The following SCAPER variants were observed in gnomAD, a reference collection of about 807,000 sequenced individuals.
SCAPER encodes S phase cyclin A-associated protein in the endoplasmic reticulum.
A neutral mutation model predicts 182.2 loss-of-function variants in SCAPER; 98 were observed. The observed-to-expected ratio is 0.54, with a 90% CI of 0.46 to 0.64. The LOEUF (loss-of-function observed/expected upper bound fraction) is 0.64, where lower values mean the gene tolerates loss of function less well. SCAPER is among the 30% of genes least tolerant of loss of function. The pLI is 0.00. For synonymous variants in SCAPER, 605 were observed against 564.6 expected, an observed-to-expected ratio of 1.07 and a Z score of -1.01; for missense variants, 1,432 against 1,690.0, an observed-to-expected ratio of 0.85 and a Z score of 2.68.
At chr15:76,503,597 T>C (rs1156463321) in intron 24 of SCAPER, among the ~76,000 whole-genome samples, 1 of 152,162 alleles carries the variant, frequency 6.6e-6, no homozygotes, top group Non-Finnish European at 1.5e-5. Flanking sequence ...ACTTAACAGT[T>C]TACAAAGAGG....
chr15:76,754,269 G>C lies in SCAPER; in HGVS notation c.1726-321C>G, dbSNP rs567586525. 3.9e-5 allele frequency among the ~76,000 whole-genome samples: 6 copies of C among 152,136 alleles called. 1 individual carries two copies. Among genetic ancestry groups the C allele is most frequent in the African/African-American group, 1.4e-4 (6 of 41,538 alleles). ...ATAAAACTCTCAGAACAGTGGCTTA[G>C]ACATGCCTCTACAGAAATATTTGCT... is the stretch of plus-strand genomic sequence containing the variant. On this transcript the variant is annotated intron_variant, in intron 14 of 31. Coordinates refer to ENST00000563290, the MANE Select transcript of SCAPER (RefSeq NM_020843.4).
At chr15:76,406,792 G>A (rs2044874760) in intron 26 of SCAPER, among the ~76,000 whole-genome samples, 1 of 152,144 alleles carries the variant, frequency 6.6e-6, no homozygotes, top group Non-Finnish European at 1.5e-5. Flanking sequence ...GGTCCTGGGG[G>A]CATTGTTAAA....
intron 5 of SCAPER, among the ~76,000 whole-genome samples, chr15:76,820,470 T>C (rs899045789): frequency 4.6e-5 from 7 of 152,040 alleles, no homozygotes; most frequent in African/African-American, 1.7e-4. Context: ...ACCATCATTC[T>C]CAGCAAACTA....
chr15:76,757,138 C>T (rs1403561311), intron 14 of SCAPER, among the ~76,000 whole-genome samples: 1 of 152,124 alleles, frequency 6.6e-6, no homozygotes, highest in Non-Finnish European at 1.5e-5. Context: ...CTTTGAATTC[C>T]AGGAATAAAC....
intron 1 of SCAPER, among the ~76,000 whole-genome samples, chr15:76,891,564 T>A (rs916080491): frequency 6.6e-6 from 1 of 152,122 alleles, no homozygotes; most frequent in Non-Finnish European, 1.5e-5. Flanking sequence ...CCATTAACAA[T>A]TGCTACAAAC....
intron 20 of SCAPER, among the ~76,000 whole-genome samples, chr15:76,693,556 G>A (rs746762570): frequency 3.3e-5 from 5 of 152,062 alleles, no homozygotes; most frequent in Non-Finnish European, 4.4e-5. Context: ...ATCATTATCT[G>A]CAATAACCAA....
chr15:76,477,038 G>T (rs994554685), intron 24 of SCAPER, among the ~76,000 whole-genome samples: 4 of 151,790 alleles, frequency 2.6e-5, no homozygotes, highest in African/African-American at 9.7e-5. Context: ...GTATATAATA[G>T]AATTTGGAAA....
intron 23 of SCAPER, among the ~76,000 whole-genome samples, chr15:76,542,157 C>T (rs1160621287): frequency 6.6e-6 from 1 of 152,154 alleles, no homozygotes; most frequent in Non-Finnish European, 1.5e-5. Context: ...CAATCTACTT[C>T]TCATATTATA....
chr15:76,640,368 G>C (rs1270164006), intron 21 of SCAPER, among the ~76,000 whole-genome samples: 2 of 152,190 alleles, frequency 1.3e-5, no homozygotes, highest in African/African-American at 2.4e-5. Context: ...TAATGAGTCT[G>C]TTCACAATTG....
intron 5 of SCAPER, among the ~76,000 whole-genome samples, chr15:76,833,775 T>A (rs2068708485): frequency 6.6e-6 from 1 of 152,226 alleles, no homozygotes; most frequent in Non-Finnish European, 1.5e-5. Context: ...GAGTATTACA[T>A]ATTGATAAAG....
chr15:76,739,806 G>C (rs2061453446), intron 15 of SCAPER, among the ~76,000 whole-genome samples: 2 of 152,266 alleles, frequency 1.3e-5, no homozygotes, highest in East Asian at 3.9e-4. Context: ...GAGTACAAAA[G>C]TAACACTATC....
Position 76,765,591 on chromosome 15 carries a change from G to T in SCAPER, c.1467C>A (p.Asp489Glu). The stretch of plus-strand genomic sequence containing the variant: ...CATAATCTGCAAGGACATCGTTCCA[G>T]TCCATGGACATACCACAGAAAGAAA... ...GSVSFCGMSMDWNDVLADYEA... is the reference protein window; with the variant it reads ...GSVSFCGMSMEWNDVLADYEA... The change falls in exon 12 of 32, where the codon GAC becomes GAA. Residue 489 changes from aspartate to glutamate, a missense_variant. This residue lies in a region of SCAPER where 128 missense variants were observed against 149.9 expected (regional missense o/e 0.85). Coordinates refer to ENST00000563290, the MANE Select transcript of SCAPER (RefSeq NM_020843.4). 1 of 1,591,314 alleles carries T rather than the reference G, an allele frequency of 6.3e-7. No homozygotes were observed. The highest frequency in any genetic ancestry group is 2.3e-5 in the East Asian group (1 of 44,074).
At chr15:76,588,467 C>A (rs1438995707) in intron 22 of SCAPER, among the ~76,000 whole-genome samples, 1 of 152,128 alleles carries the variant, frequency 6.6e-6, no homozygotes, top group African/African-American at 2.4e-5. Context: ...TACCCCTTTA[C>A]CTTAAGTTTA....
chr15:76,406,884 G>T (rs1437682784), intron 26 of SCAPER, among the ~76,000 whole-genome samples: 2 of 152,120 alleles, frequency 1.3e-5, no homozygotes, highest in African/African-American at 4.8e-5. Flanking sequence ...ATAATGACTG[G>T]TTCCAGGATG....
chr15:76,419,693 C>G (rs1017998892), intron 26 of SCAPER, among the ~76,000 whole-genome samples: 4 of 152,034 alleles, frequency 2.6e-5, no homozygotes, highest in Admixed American at 2.6e-4. Context: ...GCACTCCAGC[C>G]TGGGCAACAA....
In SCAPER at chr15:76,405,368, C is replaced by T. The variant is rs543888267; in HGVS notation, c.3312-689G>A. Among the ~76,000 whole-genome samples the T allele has an allele frequency of 6.4e-4, 98 of 152,096 alleles. 1 individual carries two copies. The highest frequency in any genetic ancestry group is 3.4e-3 in the Middle Eastern group (1 of 294). On this transcript the variant is annotated intron_variant, in intron 26 of 31. Coordinates refer to ENST00000563290, the MANE Select transcript of SCAPER (RefSeq NM_020843.4). ...CTGGCCTGATGCGATCCTCCTGCCT[C>T]GGCCTCCTAAAGTGCTACAATTACA...
intron 22 of SCAPER, among the ~76,000 whole-genome samples, chr15:76,581,639 T>G (rs1482994240): frequency 6.6e-6 from 1 of 152,172 alleles, no homozygotes; most frequent in African/African-American, 2.4e-5. Context: ...CAGGCTGGAG[T>G]GCAGTGGTGT....
intron 20 of SCAPER, among the ~76,000 whole-genome samples, chr15:76,668,087 T>G (rs1422224141): frequency 6.6e-6 from 1 of 152,252 alleles, no homozygotes; most frequent in Non-Finnish European, 1.5e-5. Flanking sequence ...CAAATTGTTC[T>G]TCTGAAAGTG....
intron 21 of SCAPER, among the ~76,000 whole-genome samples, chr15:76,635,203 C>T (rs183153809): frequency 7.2e-5 from 11 of 152,308 alleles, no homozygotes; most frequent in Admixed American, 5.9e-4. Context: ...CCTATCCCAG[C>T]AGCTCAGGGT....
Sources: gnomAD v4.1 joint callset for allele counts (sites outside exome capture counted in the v4.1 genomes callset) on GRCh38, gnomAD v4.1.1 for gene constraint, gnomAD v4.1.1 regional missense constraint, MANE v1.5 for transcripts, NCBI Gene and HGNC (gene_info 2026-07-23, HGNC 2026-07-21) for gene names.